Variants in DENND4C observed in about 807,000 individuals in gnomAD.
DENND4C encodes DENN domain-containing protein 4C.
A neutral mutation model predicts 203.0 loss-of-function variants in DENND4C; 108 were observed. The ratio of observed to expected loss-of-function variants is 0.53; its 90% CI spans 0.46 to 0.62. The LOEUF is 0.62. DENND4C is among the 20% of genes least tolerant of loss of function. The pLI, the probability that DENND4C is intolerant of heterozygous loss-of-function variation, is 0.00. For missense variants in DENND4C, 2,481 were observed against 2,301.2 expected (o/e 1.08, Z -1.60); for synonymous variants, 871 against 792.4 (o/e 1.10, Z -1.67).
intron 22 of DENND4C, among the ~76,000 whole-genome samples, chr9:19,344,820 AAAAT>A: frequency 6.6e-6 from 1 of 152,194 alleles, no homozygotes; most frequent in African/African-American, 2.4e-5. Context: ...AACTTAAAAA[AAAAT>A]AAAAGAAAGA....
At chr9:19,285,188 A>T (rs780117996) in intron 2 of DENND4C, among the ~76,000 whole-genome samples, 3 of 152,032 alleles carry the variant, frequency 2.0e-5, no homozygotes, top group Non-Finnish European at 2.9e-5. Context: ...GATAGACTAG[A>T]TTTTTCTTCT....
At chr9:19,298,995 A>G (rs545092688) in intron 7 of DENND4C, among the ~76,000 whole-genome samples, 2 of 152,154 alleles carry the variant, frequency 1.3e-5, no homozygotes, top group Non-Finnish European at 2.9e-5. Context: ...GTGAATCAAA[A>G]TTCAGTCAAA....
chr9:19,269,535 A>C (rs1420001349), intron 1 of DENND4C, among the ~76,000 whole-genome samples: 1 of 152,226 alleles, frequency 6.6e-6, no homozygotes, highest in Non-Finnish European at 1.5e-5. Context: ...TGCTGTTGAA[A>C]GACTCTGATT....
Position 19,316,341 on chromosome 9 carries a change from G to A in DENND4C, c.1488-76G>A, listed in dbSNP as rs183321318. 9.6e-6 allele frequency: 11 copies of A among 1,151,336 alleles called. No individual in the cohort carries two copies. In the African/African-American group the frequency reaches 1.7e-4, roughly 18 times the overall value. 71.3% of individuals were successfully genotyped at this position (1,151,336 alleles called of 1,614,324 possible). A position where few individuals can be genotyped will look rare whatever the true frequency, so the allele number is the denominator to read the frequency against. On this transcript the variant is annotated intron_variant, in intron 10 of 32. Coordinates refer to ENST00000434457, the MANE Select transcript of DENND4C (RefSeq NM_001330640.2). ...ACATCTTTTCCATTTTCTTGTTTTA[G>A]GTTGATGCAAGAATTTTGTCTAGTA...
At chr9:19,337,624 A>C in intron 20 of DENND4C, 1 of 1,286,084 alleles carries the variant, frequency 7.8e-7, no homozygotes, top group Non-Finnish European at 1.0e-6. Flanking sequence ...ACGTGAAGCT[A>C]TGGATACACG....
At chr9:19,250,447 G>A (rs1453429946) in intron 1 of DENND4C, among the ~76,000 whole-genome samples, 1 of 152,006 alleles carries the variant, frequency 6.6e-6, no homozygotes, top group African/African-American at 2.4e-5. Context: ...GGCTGGTCTT[G>A]AACTCCTAAT....
intron 1 of DENND4C, among the ~76,000 whole-genome samples, chr9:19,261,392 A>C (rs1301305667): frequency 6.7e-6 from 1 of 150,366 alleles, no homozygotes; most frequent in East Asian, 1.9e-4. Context: ...TTTCTGTGGA[A>C]AATGTCATTG....
At chr9:19,254,880 C>G (rs116003982) in intron 1 of DENND4C, among the ~76,000 whole-genome samples, 1 of 152,060 alleles carries the variant, frequency 6.6e-6, no homozygotes, top group Non-Finnish European at 1.5e-5. Context: ...GCCTGTAACC[C>G]CCGCACTTTG....
In DENND4C at chr9:19,282,715, CTTTTTTT is replaced by C. The variant is rs1554717864; in HGVS notation, c.306-4041_306-4035del. The stretch of plus-strand genomic sequence containing the variant: ...TTTTCTTTTTCTTTTTTTCTTCTCT[CTTTTTTT>C]TTTTTTTTTTTTGAGACAGAGTCTC... On this transcript the variant is annotated intron_variant, in intron 2 of 32. Coordinates refer to ENST00000434457, the MANE Select transcript of DENND4C (RefSeq NM_001330640.2). Among the ~76,000 whole-genome samples, 20 of 86,664 alleles carry C rather than the reference CTTTTTTT, an allele frequency of 2.3e-4. No individual in the cohort carries two copies. In the East Asian group the frequency reaches 7.7e-3, roughly 33 times the overall value. The allele number at this position is 86,664 out of a possible 152,430, so 56.9% of individuals were successfully genotyped here.
chr9:19,341,549 A>G (rs112497376), intron 21 of DENND4C, among the ~76,000 whole-genome samples: 5,088 of 151,822 alleles, frequency 0.034, 128 homozygotes, highest in Non-Finnish European at 0.045. Context: ...AGCTCAAGTG[A>G]TCTTCCTGCC....
rs139783544 is a variant in DENND4C at position 19,290,271 on chromosome 9, A to G, written c.629-433A>G. Among the ~76,000 whole-genome samples, 4 of 152,220 alleles carry G rather than the reference A, an allele frequency of 2.6e-5. No homozygotes were observed. The East Asian group carries it at 5.8e-4, about 22-fold the overall frequency. On this transcript the variant is annotated intron_variant, in intron 4 of 32. Coordinates refer to ENST00000434457, the MANE Select transcript of DENND4C (RefSeq NM_001330640.2). ...CCTTTTACACTGCTTCCCTCTTAAG[A>G]TGAGTTTAGGGGCTGTGATAATTTC...
chr9:19,298,559 T>C (rs1255225111), intron 7 of DENND4C, among the ~76,000 whole-genome samples: 1 of 152,236 alleles, frequency 6.6e-6, no homozygotes, highest in East Asian at 1.9e-4. Context: ...CGTAGGTAGG[T>C]GTACAGCTTG....
intron 17 of DENND4C, among the ~76,000 whole-genome samples, chr9:19,334,202 C>T (rs1000662982): frequency 5.9e-5 from 9 of 152,106 alleles, no homozygotes; most frequent in East Asian, 1.9e-4. Context: ...CGTGCCACCA[C>T]GCCTGGCTAA....
At chr9:19,325,811 C>T in intron 13 of DENND4C, 128 bp from the exon 14 acceptor site, 1 of 824,238 alleles carries the variant, frequency 1.2e-6, no homozygotes, top group Non-Finnish European at 1.9e-6. Context: ...TAAAAATATA[C>T]TGTGCATGTT....
Position 19,336,685 on chromosome 9 carries a change from G to T in DENND4C, c.2735-1G>T. ...TGAACTGCTATTGTCCTTATCTTTA[G>T]CTCTTCAAAATGTCACAGGTGGAAG... On this transcript the variant is annotated splice_acceptor_variant, in intron 19 of 32. Transcript: ENST00000434457. LOFTEE classifies it high-confidence loss of function. 1 of 1,550,632 alleles carries T rather than the reference G, an allele frequency of 6.4e-7. No homozygotes were observed. The highest frequency in any genetic ancestry group is 8.7e-7 in the Non-Finnish European group (1 of 1,146,924).
At chr9:19,262,800 C>G (rs1564097777) in intron 1 of DENND4C, among the ~76,000 whole-genome samples, 1 of 152,010 alleles carries the variant, frequency 6.6e-6, no homozygotes, top group Non-Finnish European at 1.5e-5. Flanking sequence ...AACTCCTGAC[C>G]TCAAGTGATC....
chr9:19,304,768 C>G (rs528498173), intron 9 of DENND4C, among the ~76,000 whole-genome samples: 4 of 147,428 alleles, frequency 2.7e-5, no homozygotes, highest in Admixed American at 2.0e-4. Flanking sequence ...CCAGGATGGT[C>G]TCGATCTCCT....
chr9:19,285,589 T>C (rs1835036141), intron 2 of DENND4C, among the ~76,000 whole-genome samples: 1 of 151,940 alleles, frequency 6.6e-6, no homozygotes, highest in South Asian at 2.1e-4. Context: ...TTTTTTTTTT[T>C]TTCACTTAAC....
chr9:19,270,321 C>T (rs1732637558), intron 1 of DENND4C, among the ~76,000 whole-genome samples: 1 of 152,094 alleles, frequency 6.6e-6, no homozygotes. Context: ...GTGAATCTAG[C>T]CAGGCTTGTG....
Sources: allele counts gnomAD v4.1 joint callset (sites outside exome capture counted in the v4.1 genomes callset), GRCh38; gene constraint gnomAD v4.1.1; transcripts MANE v1.5; gene names NCBI Gene and HGNC (gene_info 2026-07-23, HGNC 2026-07-21).